The following STX8 variants were observed in gnomAD, a reference collection of about 807,000 sequenced individuals.
The protein encoded by STX8 is syntaxin 8.
In STX8, 23 loss-of-function variants were observed where a neutral mutation model predicts 37.5. That is an observed-to-expected ratio of 0.61 (90% CI 0.44 to 0.87). STX8 has a LOEUF of 0.87. Among genes scored for constraint, STX8 ranks in the 40% least tolerant of loss-of-function variants. STX8 has a pLI of 0.00. For synonymous variants in STX8, 115 were observed against 99.1 expected, an observed-to-expected ratio of 1.16 and a Z score of -0.95; for missense variants, 313 against 284.7, an observed-to-expected ratio of 1.10 and a Z score of -0.71.
chr17:9,255,850 T>C (rs1906777221), intron 7 of STX8, among the ~76,000 whole-genome samples: 1 of 152,190 alleles, frequency 6.6e-6, no homozygotes, highest in Non-Finnish European at 1.5e-5. Flanking sequence ...TTTGGATTCT[T>C]TGGGTCAAAG....
At chr17:9,415,648 A>G (rs149360943) in intron 6 of STX8, among the ~76,000 whole-genome samples, 1,852 of 152,230 alleles carry the variant, frequency 0.012, 36 homozygotes, top group African/African-American at 0.042. Flanking sequence ...AGGCGCCTGT[A>G]GTCCCAGCTA....
At chr17:9,503,711 G>T (rs1261870207) in intron 5 of STX8, among the ~76,000 whole-genome samples, 1 of 152,164 alleles carries the variant, frequency 6.6e-6, no homozygotes, top group African/African-American at 2.4e-5. Context: ...AAAGAATAAT[G>T]TATCTGTACA....
intron 6 of STX8, among the ~76,000 whole-genome samples, chr17:9,422,683 TCTGCAGCAATGG>T (rs1913484265): frequency 6.6e-6 from 1 of 152,262 alleles, no homozygotes; most frequent in African/African-American, 2.4e-5. Context: ...ACATTCTGTT[TCTGCAGCAATGG>T]CTGCTTTTGC....
rs796322119 is a variant in STX8, at chr17:9,372,728, G to A, written c.643+5824C>T. 1.1e-3 allele frequency among the ~76,000 whole-genome samples: 166 copies of A among 149,570 alleles called. 1 individual carries two copies. Among genetic ancestry groups the A allele is most frequent in the African/African-American group, 3.8e-3 (155 of 40,836 alleles). On this transcript the variant is annotated intron_variant, in intron 7 of 7. Coordinates refer to ENST00000306357, the MANE Select transcript of STX8 (RefSeq NM_004853.3). Reference sequence around the variant, plus strand: ...CTTGACCTTGTGATCCACCCGCCTCGGCCTCCCAAAGTGCTGGGATTACAG... The same window carrying A: ...CTTGACCTTGTGATCCACCCGCCTCAGCCTCCCAAAGTGCTGGGATTACAG...
intron 4 of STX8, among the ~76,000 whole-genome samples, chr17:9,533,465 GAAACA>G (rs998177011): frequency 2.0e-5 from 3 of 151,984 alleles, no homozygotes; most frequent in Non-Finnish European, 2.9e-5. Flanking sequence ...ACTCCATCTC[GAAACA>G]AAACAAAACA....
At chr17:9,283,777 C>T (rs1314129615) in intron 7 of STX8, among the ~76,000 whole-genome samples, 2 of 152,220 alleles carry the variant, frequency 1.3e-5, no homozygotes, top group South Asian at 4.2e-4. Flanking sequence ...AATTCTATTT[C>T]TTTTCATTTC....
intron 7 of STX8, among the ~76,000 whole-genome samples, chr17:9,272,546 C>G (rs1012931777): frequency 2.6e-5 from 4 of 152,226 alleles, no homozygotes; most frequent in African/African-American, 9.6e-5. Flanking sequence ...TGCCTTCTCA[C>G]TCACACACAG....
intron 7 of STX8, among the ~76,000 whole-genome samples, chr17:9,281,212 A>C (rs1043678273): frequency 1.3e-5 from 2 of 152,192 alleles, no homozygotes; most frequent in Non-Finnish European, 2.9e-5. Flanking sequence ...AAGATGACAG[A>C]GGCTGAAGTC....
At chr17:9,367,856 T>A (rs550566203) in intron 7 of STX8, among the ~76,000 whole-genome samples, 8 of 152,054 alleles carry the variant, frequency 5.3e-5, no homozygotes, top group Admixed American at 5.2e-4. Flanking sequence ...TCAGCCTCCC[T>A]AATAGCTGGG....
At chr17:9,379,163 T>C (rs373825037) in intron 6 of STX8, among the ~76,000 whole-genome samples, 19 of 150,450 alleles carry the variant, frequency 1.3e-4, no homozygotes, top group East Asian at 7.8e-4. Context: ...GAGAATCGCT[T>C]GAACCCGGGA....
intron 7 of STX8, among the ~76,000 whole-genome samples, chr17:9,353,084 C>T (rs1011499294): frequency 7.1e-4 from 30 of 42,078 alleles, no homozygotes; most frequent in Non-Finnish European, 9.4e-4. Flanking sequence ...TTGGTAGAGA[C>T]GGGGTCTGAC....
chr17:9,494,013 T>TG (rs1567585335), intron 5 of STX8, among the ~76,000 whole-genome samples: 3 of 151,470 alleles, frequency 2.0e-5, no homozygotes, highest in South Asian at 2.1e-4. Flanking sequence ...GTTTTGTTTT[T>TG]TTGTTGTTGT....
At chr17:9,268,284 CAAA>C (rs112954356) in intron 7 of STX8, among the ~76,000 whole-genome samples, 5 of 69,144 alleles carry the variant, frequency 7.2e-5, no homozygotes, top group African/African-American at 1.1e-4. Flanking sequence ...GGAGTAAGAA[CAAA>C]AAAAAAAAAA....
chr17:9,273,650 TC>T (rs1464334106), intron 7 of STX8, among the ~76,000 whole-genome samples: 1 of 152,278 alleles, frequency 6.6e-6, no homozygotes, highest in East Asian at 1.9e-4. Context: ...GACTTTGTCT[TC>T]GCAAAGAAAG....
At chr17:9,467,912 G>T (rs1422468707) in intron 6 of STX8, among the ~76,000 whole-genome samples, 1 of 152,136 alleles carries the variant, frequency 6.6e-6, no homozygotes, top group African/African-American at 2.4e-5. Flanking sequence ...CTATAGGACA[G>T]ATTCCAGTTG....
At chr17:9,531,866 A>G (rs1008212578) in intron 4 of STX8, among the ~76,000 whole-genome samples, 7 of 150,766 alleles carry the variant, frequency 4.6e-5, no homozygotes, top group Admixed American at 4.0e-4. Flanking sequence ...AAATTTTTTC[A>G]TTTGATTTTT....
rs1453617381 is a variant in STX8 at position 9,505,238 on chromosome 17, G to A, written c.324-76C>T. 5.9e-6 allele frequency: 9 copies of A among 1,527,866 alleles called. No individual in the cohort carries two copies. In the African/African-American group the frequency reaches 1.1e-4, roughly 19 times the overall value. 94.6% of individuals were successfully genotyped at this position (1,527,866 alleles called of 1,614,324 possible). A position where few individuals can be genotyped will look rare whatever the true frequency, so the allele number is the denominator to read the frequency against. Reference sequence around the variant, plus strand: ...TGCAAATTACTCCCACAAGTGCAGAGGTGGCCAGCCTTGAATGCTTTGAAA... The same window carrying A: ...TGCAAATTACTCCCACAAGTGCAGAAGTGGCCAGCCTTGAATGCTTTGAAA... On this transcript the variant is annotated intron_variant, in intron 4 of 7. Coordinates refer to ENST00000306357, the MANE Select transcript of STX8 (RefSeq NM_004853.3).
At chr17:9,488,890 GTTT>G in intron 6 of STX8, among the ~76,000 whole-genome samples, 1 of 152,008 alleles carries the variant, frequency 6.6e-6, no homozygotes, top group South Asian at 2.1e-4. Flanking sequence ...GTGTGTGTGT[GTTT>G]TGAGACAGAG....
At chr17:9,335,463 T>C (rs1910104766) in intron 7 of STX8, among the ~76,000 whole-genome samples, 1 of 152,176 alleles carries the variant, frequency 6.6e-6, no homozygotes, top group African/African-American at 2.4e-5. Context: ...AGGTCTCACC[T>C]CTTAAGACCA....
Sources: gnomAD v4.1 joint callset for allele counts (sites outside exome capture counted in the v4.1 genomes callset) on GRCh38, gnomAD v4.1.1 for gene constraint, MANE v1.5 for transcripts, NCBI Gene and HGNC (gene_info 2026-07-23, HGNC 2026-07-21) for gene names.